RPH3AL: variants seen among roughly 807,000 people sequenced by gnomAD.
RPH3AL encodes rab effector Noc2.
In RPH3AL, 38 loss-of-function variants were observed where a neutral mutation model predicts 43.1. The observed-to-expected ratio is 0.88, with a 90% CI of 0.68 to 1.15. RPH3AL has a LOEUF of 1.15. Ranked by LOEUF, RPH3AL falls within the 50% of genes most tolerant of loss-of-function variation. The pLI, the probability that RPH3AL is intolerant of heterozygous loss-of-function variation, is 0.00. For missense variants in RPH3AL, 462 were observed against 423.2 expected (o/e 1.09, Z -0.81); for synonymous variants, 189 against 176.3 (o/e 1.07, Z -0.57).
At chr17:300,460 G>C (rs1428736918) in intron 5 of RPH3AL, among the ~76,000 whole-genome samples, 1 of 26,810 alleles carries the variant, frequency 3.7e-5, no homozygotes, top group African/African-American at 2.2e-4. Flanking sequence ...ACTCTAGAAG[G>C]GGCTGGCCCA....
In RPH3AL at chr17:327,450, G is replaced by A. The variant is rs201075782; in HGVS notation, c.77+17C>T. On this transcript the variant is annotated intron_variant, in intron 3 of 9. Coordinates refer to ENST00000331302, the MANE Select transcript of RPH3AL (RefSeq NM_006987.4). ...GCAGAAGGAAGGGACGGCCTGGGGG[G>A]CCCCAGAGGTACTCACTTGGCTCGA... is the stretch of plus-strand genomic sequence containing the variant. The A allele has an allele frequency of 4.1e-4, 662 of 1,611,540 alleles. No individual in the cohort carries two copies. The highest frequency in any genetic ancestry group is 5.8e-4 in the East Asian group (26 of 44,868).
chr17:265,978 C>G (rs1339390985), intron 6 of RPH3AL, among the ~76,000 whole-genome samples: 1 of 152,192 alleles, frequency 6.6e-6, no homozygotes. Context: ...CACAAGCAAG[C>G]GATCCAAGCC....
intron 7 of RPH3AL, among the ~76,000 whole-genome samples, chr17:220,003 C>T (rs1478566193): frequency 2.0e-5 from 3 of 152,174 alleles, no homozygotes; most frequent in Non-Finnish European, 4.4e-5. Context: ...TGGCCAGCCA[C>T]CTCCACATGA....
chr17:314,980 G>A (rs1334634074), intron 5 of RPH3AL, among the ~76,000 whole-genome samples: 1,708 of 115,060 alleles, frequency 0.015, no homozygotes, highest in Middle Eastern at 0.033. Context: ...AGTAGTCCCT[G>A]TGCCCCACCT....
chr17:226,743 T>C (rs1321649917), intron 7 of RPH3AL, among the ~76,000 whole-genome samples: 1 of 152,220 alleles, frequency 6.6e-6, no homozygotes, highest in African/African-American at 2.4e-5. Context: ...AATTTGCCAT[T>C]CGATTGCTGT....
At chr17:262,548 G>A (rs1261785526) in intron 6 of RPH3AL, among the ~76,000 whole-genome samples, 8 of 151,392 alleles carry the variant, frequency 5.3e-5, no homozygotes, top group African/African-American at 1.9e-4. Flanking sequence ...ATCCCAGCCA[G>A]GTGCAGCGGC....
At chr17:294,291 G>A (rs968780736) in intron 5 of RPH3AL, among the ~76,000 whole-genome samples, 9 of 56,762 alleles carry the variant, frequency 1.6e-4, no homozygotes, top group African/African-American at 2.4e-4. Flanking sequence ...GCAAGACCCC[G>A]TCTCTACAAA....
At chr17:317,802 C>G (rs1312127607) in intron 5 of RPH3AL, among the ~76,000 whole-genome samples, 1 of 152,176 alleles carries the variant, frequency 6.6e-6, no homozygotes, top group African/African-American at 2.4e-5. Flanking sequence ...TTTGAATGCC[C>G]CTGAAAATGC....
At position 303,222 on chromosome 17, in the gene RPH3AL, T is replaced by C. The variant is rs563596491; in HGVS notation, c.351+16198A>G. Among the ~76,000 whole-genome samples the C allele has an allele frequency of 1.1e-4, 17 of 152,066 alleles. No individual in the cohort carries two copies. The East Asian group carries it at 1.7e-3, about 16-fold the overall frequency. On this transcript the variant is annotated intron_variant, in intron 5 of 9. Transcript: ENST00000331302. ...GCCTGGGCAACATAACAAGGCCCAG[T>C]CTCCACAAAAAATGAGAAATTAGCC... is the stretch of plus-strand genomic sequence containing the variant.
intron 6 of RPH3AL, among the ~76,000 whole-genome samples, chr17:273,016 A>AGGGAGAGACCCCAGCGAGGGAGACG (rs2042534792): frequency 2.6e-5 from 1 of 38,202 alleles, no homozygotes. Context: ...CGAGGGCGAC[A>AGGGAGAGACCCCAGCGAGGGAGACG]TCAGGAAGAG....
Position 322,079 on chromosome 17 carries a change from G to T in RPH3AL, c.78-664C>A, listed in dbSNP as rs1363940031. ...AAAACTAGCAGGTTCGAGGCGGGGG[G>T]GAAGCGAGTTACAGAAGAGGAGCCG... On this transcript the variant is annotated intron_variant, in intron 3 of 9. Transcript: ENST00000331302. This position sits in a 1 kb window ranked among gnomAD's most constrained non-coding sequence, Gnocchi z 4.0. 6.6e-6 allele frequency among the ~76,000 whole-genome samples: 1 copy of T among 152,180 alleles called. No homozygotes were observed. The highest frequency in any genetic ancestry group is 1.5e-5 in the Non-Finnish European group (1 of 68,034).
intron 5 of RPH3AL, among the ~76,000 whole-genome samples, chr17:291,299 G>A (rs2043043221): frequency 6.6e-6 from 1 of 152,136 alleles, no homozygotes; most frequent in South Asian, 2.1e-4. Context: ...CAGTGCTTTG[G>A]GAGGCCGAGG....
chr17:247,266 GC>G lies in RPH3AL; in HGVS notation c.457del (p.Ala153ProfsTer14). ...CTTGGGGAGCCCTTTGTAGAACCAG[GC>G]CCCCGACCTCTTCCAGACCTGAGTG... Reference protein sequence around the residue: ...EQREVWKRSGAWFYKGLPKYI... With the variant: ...EQREVWKRSGXWFYKGLPKYI... On this transcript the variant is annotated frameshift_variant, in exon 7 of 10. Transcript: ENST00000331302. LOFTEE classifies it high-confidence loss of function. 6.3e-7 allele frequency: 1 copy of G among 1,593,682 alleles called. No individual in the cohort carries two copies. Among genetic ancestry groups the G allele is most frequent in the Non-Finnish European group, 8.6e-7 (1 of 1,168,788 alleles).
chr17:297,920 C>T (rs2043222217), intron 5 of RPH3AL, among the ~76,000 whole-genome samples: 2 of 152,134 alleles, frequency 1.3e-5, no homozygotes, highest in South Asian at 2.1e-4. Context: ...GGGAGAGAGG[C>T]AAGAAAATGA....
intron 7 of RPH3AL, among the ~76,000 whole-genome samples, chr17:227,171 C>T (rs1861531636): frequency 6.6e-6 from 1 of 152,214 alleles, no homozygotes; most frequent in African/African-American, 2.4e-5. Context: ...AGAAGGGCTG[C>T]CTGCTTGCCG....
In RPH3AL at chr17:283,348, G is replaced by A. The variant is rs1253100740; in HGVS notation, c.352-1494C>T. Among the ~76,000 whole-genome samples, 1 of 152,164 alleles carries A rather than the reference G, an allele frequency of 6.6e-6. No individual in the cohort carries two copies. The highest frequency in any genetic ancestry group is 1.5e-5 in the Non-Finnish European group (1 of 68,022). On this transcript the variant is annotated intron_variant, in intron 5 of 9. Transcript: ENST00000331302. This position sits in a 1 kb window ranked among gnomAD's most constrained non-coding sequence, Gnocchi z 4.2. Reference sequence around the variant, plus strand: ...TGGCCGAGCTCAGTGCCCCTGGGGTGGGGGAGCAAACTCACGGGGGACGGA... The same window carrying A: ...TGGCCGAGCTCAGTGCCCCTGGGGTAGGGGAGCAAACTCACGGGGGACGGA...
In RPH3AL at chr17:215,492, C is replaced by T. The variant is rs180899435; in HGVS notation, c.876+162G>A. ...GGTCCCTCTCTCTGTTCCTTGCAGG[C>T]AGGGATGGGGTCTGGCTCACCTTGT... On this transcript the variant is annotated intron_variant, in intron 9 of 9. Transcript: ENST00000331302. This position sits in a 1 kb window ranked among gnomAD's most constrained non-coding sequence, Gnocchi z 4.1. Among the ~76,000 whole-genome samples, 194 of 152,338 alleles carry T rather than the reference C, an allele frequency of 1.3e-3. 1 individual carries two copies. Among genetic ancestry groups the T allele is most frequent in the Non-Finnish European group, 2.2e-3 (148 of 68,032 alleles).
At chr17:232,715 AC>A (rs2041256230) in intron 7 of RPH3AL, among the ~76,000 whole-genome samples, 1 of 152,120 alleles carries the variant, frequency 6.6e-6, no homozygotes, top group African/African-American at 2.4e-5. Context: ...GCAGACCTGC[AC>A]CAGGGAGATC....
At chr17:304,329 G>C in intron 5 of RPH3AL, among the ~76,000 whole-genome samples, 1 of 151,946 alleles carries the variant, frequency 6.6e-6, no homozygotes, top group East Asian at 1.9e-4. Context: ...ACCTGAAGCA[G>C]ACAGAGGTGA....
Sources: allele counts gnomAD v4.1 joint callset (sites outside exome capture counted in the v4.1 genomes callset), GRCh38; gene constraint gnomAD v4.1.1; non-coding constraint Gnocchi (gnomAD v3.1); transcripts MANE v1.5; gene names NCBI Gene and HGNC (gene_info 2026-07-23, HGNC 2026-07-21).